Variants in MYLK observed in about 807,000 individuals in gnomAD.
The protein encoded by MYLK is myosin light chain kinase.
Under a neutral mutation model 203.4 loss-of-function variants are expected in MYLK, and 106 were observed. That is an observed-to-expected ratio of 0.52 (90% CI 0.45 to 0.61). The LOEUF (loss-of-function observed/expected upper bound fraction) is 0.61. MYLK is among the 20% of genes least tolerant of loss of function. The pLI is 0.00. For synonymous variants in MYLK, 867 were observed against 959.5 expected (o/e 0.90, Z 1.78); for missense variants, 2,072 against 2,442.3 (o/e 0.85, Z 3.20).
At chr3:123,728,718 T>C (rs1254735524) in intron 11 of MYLK, among the ~76,000 whole-genome samples, 2 of 152,154 alleles carry the variant, frequency 1.3e-5, no homozygotes, top group Non-Finnish European at 2.9e-5. Context: ...GTACCTATGG[T>C]ACTTGTGAAA....
intron 3 of MYLK, among the ~76,000 whole-genome samples, chr3:123,818,627 T>C (rs192096097): frequency 6.6e-6 from 1 of 151,512 alleles, no homozygotes. Flanking sequence ...AAGGCAGAGG[T>C]TGTAGTGAGC....
intron 3 of MYLK, among the ~76,000 whole-genome samples, chr3:123,818,962 G>C (rs2065833675): frequency 6.6e-6 from 1 of 152,166 alleles, no homozygotes; most frequent in Non-Finnish European, 1.5e-5. Flanking sequence ...AGATATTCCA[G>C]TTCCCTGACT....
chr3:123,738,999 C>T lies in MYLK; in HGVS notation c.486G>A (p.Lys162=). 1 of 1,613,824 alleles carries T rather than the reference C, an allele frequency of 6.2e-7. No homozygotes were observed. Among genetic ancestry groups the T allele is most frequent in the Non-Finnish European group, 8.5e-7 (1 of 1,179,934 alleles). Reference sequence around the variant, plus strand: ...CAACTCGGCCCAGCTTGGTAGCAAACTTTGGTGGGCACTCCCCCCAGATGC... The same window carrying T: ...CAACTCGGCCCAGCTTGGTAGCAAATTTTGGTGGGCACTCCCCCCAGATGC... ...RPSIWGECPP[K]FATKLGRVVV... is the part of the protein sequence containing the mutation. The change falls in exon 7 of 34, where the codon AAG becomes AAA. Residue 162 remains lysine (K), a synonymous_variant. Coordinates refer to ENST00000360304, the MANE Select transcript of MYLK (RefSeq NM_053025.4).
intron 3 of MYLK, among the ~76,000 whole-genome samples, chr3:123,813,664 C>T (rs536766667): frequency 6.6e-6 from 1 of 152,256 alleles, no homozygotes; most frequent in South Asian, 2.1e-4. Context: ...ACATGTGCGA[C>T]CACGCCTGAC....
At position 123,780,055 on chromosome 3, in the gene MYLK, A is replaced by G. The variant is rs538830706; in HGVS notation, c.165+13622T>C. The stretch of plus-strand genomic sequence containing the variant: ...GAACGAACCTGCAAACTAGTCACTT[A>G]AGTCAGCCTGTCACGTAGCAGTGGG... On this transcript the variant is annotated intron_variant, in intron 4 of 33. Coordinates refer to ENST00000360304, the MANE Select transcript of MYLK (RefSeq NM_053025.4). 1.1e-4 allele frequency among the ~76,000 whole-genome samples: 16 copies of G among 152,342 alleles called. No individual in the cohort carries two copies. In the East Asian group the frequency reaches 2.9e-3, roughly 28 times the overall value.
chr3:123,707,096 T>TGG (rs2108629897), intron 16 of MYLK, among the ~76,000 whole-genome samples: 1 of 152,272 alleles, frequency 6.6e-6, no homozygotes, highest in Non-Finnish European at 1.5e-5. Context: ...GGAAGCCAGC[T>TGG]GCCATGCTAA....
chr3:123,620,784 A>G (rs921147740), intron 31 of MYLK: 1 of 262,826 alleles, frequency 3.8e-6, no homozygotes, highest in African/African-American at 2.3e-5. Context: ...AGATCCCACA[A>G]GTCCTGATGC....
Position 123,629,306 on chromosome 3 carries a change from A to G in MYLK, c.5114+168T>C, listed in dbSNP as rs1164642831. Among the ~76,000 whole-genome samples the G allele has an allele frequency of 2.0e-5, 3 of 152,030 alleles. No homozygotes were observed. The highest frequency in any genetic ancestry group is 7.2e-5 in the African/African-American group (3 of 41,406). ...CTAGGAAGTCGCCTCCCCAACCCAC[A>G]TGCATTCGGGTCTCTTACCATGCCC... On this transcript the variant is annotated intron_variant, in intron 30 of 33. Coordinates refer to ENST00000360304, the MANE Select transcript of MYLK (RefSeq NM_053025.4). This position sits in a 1 kb window ranked among gnomAD's most constrained non-coding sequence, Gnocchi z 4.4.
At position 123,629,746 on chromosome 3, in the gene MYLK, G is replaced by T; in HGVS notation, c.4962-120C>A. On this transcript the variant is annotated intron_variant, in intron 29 of 33. Transcript: ENST00000360304. The surrounding 1 kb of genome is among the most constrained non-coding windows in gnomAD (Gnocchi z 4.4). Reference sequence around the variant, plus strand: ...CTCCCCACCCCCAAACTCATGCTCTGTGGGCCTTGCACCTGCCTTTCTTCC... The same window carrying T: ...CTCCCCACCCCCAAACTCATGCTCTTTGGGCCTTGCACCTGCCTTTCTTCC... The T allele has an allele frequency of 9.7e-7, 1 of 1,029,652 alleles. No individual in the cohort carries two copies. The highest frequency in any genetic ancestry group is 1.5e-6 in the Non-Finnish European group (1 of 671,438). 63.8% of individuals were successfully genotyped at this position (1,029,652 alleles called of 1,614,324 possible).
Position 123,754,578 on chromosome 3 carries a change from G to A in MYLK, c.166-2040C>T, listed in dbSNP as rs1340780980. Among the ~76,000 whole-genome samples the A allele has an allele frequency of 5.9e-5, 9 of 152,184 alleles. No individual in the cohort carries two copies. In the East Asian group the frequency reaches 1.7e-3, roughly 29 times the overall value. On this transcript the variant is annotated intron_variant, in intron 4 of 33. Transcript: ENST00000360304. Reference sequence around the variant, plus strand: ...AAACAAGTGTTCCAGAACTTAGGCTGACAGTGTTGAAGGAGACCGCATCCA... The same window carrying A: ...AAACAAGTGTTCCAGAACTTAGGCTAACAGTGTTGAAGGAGACCGCATCCA...
chr3:123,782,466 AGT>A (rs1363684722), intron 4 of MYLK, among the ~76,000 whole-genome samples: 1 of 152,226 alleles, frequency 6.6e-6, no homozygotes, highest in African/African-American at 2.4e-5. Context: ...TTATGAAAGT[AGT>A]GTCTTACTTA....
At chr3:123,718,152 G>C (rs2061967433) in intron 13 of MYLK, among the ~76,000 whole-genome samples, 1 of 152,124 alleles carries the variant, frequency 6.6e-6, no homozygotes, top group Non-Finnish European at 1.5e-5. Context: ...ATGAGACACT[G>C]TGCCTAGCCC....
chr3:123,747,141 T>C (rs761118113), intron 5 of MYLK, among the ~76,000 whole-genome samples: 91 of 152,280 alleles, frequency 6.0e-4, no homozygotes, highest in South Asian at 8.3e-4. Flanking sequence ...CAACAAAAGA[T>C]GGCACAGGAG....
At chr3:123,787,208 A>G (rs2064565178) in intron 4 of MYLK, among the ~76,000 whole-genome samples, 1 of 152,204 alleles carries the variant, frequency 6.6e-6, no homozygotes, top group Admixed American at 6.5e-5. Flanking sequence ...AAGCATTAGG[A>G]AAGTAGCCTG....
chr3:123,848,652 G>A (rs1394616297), intron 2 of MYLK, among the ~76,000 whole-genome samples: 1 of 152,158 alleles, frequency 6.6e-6, no homozygotes, highest in Non-Finnish European at 1.5e-5. Flanking sequence ...CAACTCACTT[G>A]GCACATGCCT....
intron 3 of MYLK, among the ~76,000 whole-genome samples, chr3:123,822,077 C>T (rs2065956749): frequency 6.6e-6 from 1 of 152,192 alleles, no homozygotes; most frequent in South Asian, 2.1e-4. Context: ...TCTCTCTTGT[C>T]CTTCTACCTT....
chr3:123,625,872 G>A (rs557030514), intron 31 of MYLK, among the ~76,000 whole-genome samples: 3 of 152,090 alleles, frequency 2.0e-5, no homozygotes, highest in African/African-American at 7.2e-5. Flanking sequence ...AGGTGATGAT[G>A]GTGATAAACT....
At chr3:123,864,995 C>T (rs1409731426) in intron 2 of MYLK, among the ~76,000 whole-genome samples, 1 of 152,174 alleles carries the variant, frequency 6.6e-6, no homozygotes. Flanking sequence ...CCCTTGCTGG[C>T]TTTCCTGCAG....
chr3:123,778,706 C>T (rs78297344), intron 4 of MYLK, among the ~76,000 whole-genome samples: 3 of 152,186 alleles, frequency 2.0e-5, no homozygotes, highest in East Asian at 1.9e-4. Flanking sequence ...CGCCCAGGGG[C>T]GGCTGAAACC....
Sources: gnomAD v4.1 joint callset for allele counts (sites outside exome capture counted in the v4.1 genomes callset) on GRCh38, gnomAD v4.1.1 for gene constraint, Gnocchi (gnomAD v3.1) non-coding constraint, MANE v1.5 for transcripts, NCBI Gene and HGNC (gene_info 2026-07-23, HGNC 2026-07-21) for gene names.